SDHAF3: variants seen among roughly 807,000 people sequenced by gnomAD.
SDHAF3 encodes the protein succinate dehydrogenase complex assembly factor 3.
A neutral mutation model predicts 11.5 loss-of-function variants in SDHAF3; 18 were observed. That is an observed-to-expected ratio of 1.56 (90% CI 1.08 to 2.32). The LOEUF (loss-of-function observed/expected upper bound fraction) is 2.32, where lower values mean the gene tolerates loss of function less well. Among genes scored for constraint, SDHAF3 ranks in the 30% most tolerant of loss-of-function variants. The pLI is 0.00. For synonymous variants in SDHAF3, 72 were observed against 59.3 expected (o/e 1.21, Z -0.99); for missense variants, 200 against 154.4 (o/e 1.30, Z -1.57).
chr7:97,138,167 A>ATTT (rs11345197), intron 1 of SDHAF3, among the ~76,000 whole-genome samples: 58 of 134,372 alleles, frequency 4.3e-4, no homozygotes, highest in Non-Finnish European at 5.7e-4. Flanking sequence ...CCCCACTGGC[A>ATTT]TTTTTTTTTT....
intron 1 of SDHAF3, among the ~76,000 whole-genome samples, chr7:97,124,295 A>T (rs1443967899): frequency 1.3e-5 from 2 of 152,062 alleles, no homozygotes; most frequent in Non-Finnish European, 2.9e-5. Context: ...CAAAGATGAG[A>T]TGGTTGCAGA....
intron 1 of SDHAF3, 47 bp downstream of exon 1, chr7:97,117,944 G>A: frequency 1.9e-6 from 3 of 1,595,236 alleles, no homozygotes; most frequent in Non-Finnish European, 2.6e-6. Context: ...GGGGTTCCTC[G>A]GTGTCCAGGT....
At chr7:97,144,151 A>G (rs1165487936) in intron 1 of SDHAF3, among the ~76,000 whole-genome samples, 1 of 151,692 alleles carries the variant, frequency 6.6e-6, no homozygotes. Flanking sequence ...AGAATTGTCT[A>G]CTTACATTCT....
At chr7:97,152,563 A>G (rs1789241037) in intron 1 of SDHAF3, among the ~76,000 whole-genome samples, 1 of 152,164 alleles carries the variant, frequency 6.6e-6, no homozygotes, top group African/African-American at 2.4e-5. Context: ...TACAGTAGTA[A>G]TGTTATCCAT....
At chr7:97,131,335 G>A (rs1206155194) in intron 1 of SDHAF3, among the ~76,000 whole-genome samples, 1 of 152,094 alleles carries the variant, frequency 6.6e-6, no homozygotes, top group Non-Finnish European at 1.5e-5. Flanking sequence ...TTGTAAATCA[G>A]TGTCTAAATA....
intron 1 of SDHAF3, among the ~76,000 whole-genome samples, chr7:97,160,761 G>C (rs1789395937): frequency 6.6e-6 from 1 of 152,262 alleles, no homozygotes; most frequent in Admixed American, 6.5e-5. Flanking sequence ...CTGGAACATA[G>C]AGGTGTATTG....
Position 97,117,808 on chromosome 7 carries a change from T to C in SDHAF3, c.85T>C (p.Ser29Pro), listed in dbSNP as rs761188579. The C allele has an allele frequency of 3.8e-5, 61 of 1,614,030 alleles. No individual in the cohort carries two copies. The Middle Eastern group carries it at 1.3e-3, about 35-fold the overall frequency. ...CCGTGTTCTGCCCCCGGACCTCAAA[T>C]CCCTGGGCGACCAGTACGTGAAAGA... Reference protein sequence around the residue: ...LHRVLPPDLKSLGDQYVKDEF... With the variant: ...LHRVLPPDLKPLGDQYVKDEF... The change falls in exon 1 of 2, where the codon TCC becomes CCC. Residue 29 changes from serine (S) to proline (P), a missense_variant. Ser to Pro is a moderately conservative substitution (Grantham distance 74, BLOSUM62 -1). Coordinates refer to ENST00000432641, the MANE Select transcript of SDHAF3 (RefSeq NM_020186.3).
chr7:97,174,831 T>C (rs978925227), intron 1 of SDHAF3, among the ~76,000 whole-genome samples: 1 of 152,212 alleles, frequency 6.6e-6, no homozygotes, highest in African/African-American at 2.4e-5. Flanking sequence ...ATCTTTCAGC[T>C]TTCTTCACTG....
intron 1 of SDHAF3, among the ~76,000 whole-genome samples, chr7:97,138,512 A>G (rs1788968185): frequency 6.6e-6 from 1 of 152,172 alleles, no homozygotes; most frequent in South Asian, 2.1e-4. Flanking sequence ...TTTAAAAAAT[A>G]TGTATACCCA....
At chr7:97,146,118 C>T (rs988878487) in intron 1 of SDHAF3, among the ~76,000 whole-genome samples, 1 of 151,968 alleles carries the variant, frequency 6.6e-6, no homozygotes, top group African/African-American at 2.4e-5. Flanking sequence ...GGCTTTCCCC[C>T]CCCCACTTTT....
intron 1 of SDHAF3, among the ~76,000 whole-genome samples, chr7:97,125,865 T>C (rs1562819548): frequency 6.6e-6 from 1 of 152,214 alleles, no homozygotes; most frequent in African/African-American, 2.4e-5. Context: ...CCATCCAGTT[T>C]TGTGTCCTTG....
chr7:97,150,031 A>C (rs1435996420), intron 1 of SDHAF3, among the ~76,000 whole-genome samples: 1 of 152,208 alleles, frequency 6.6e-6, no homozygotes, highest in Non-Finnish European at 1.5e-5. Flanking sequence ...TGAAGAAATC[A>C]CTTTCTTTGC....
rs771381405 is a variant in SDHAF3 at position 97,181,090 on chromosome 7, C to T, written c.253C>T (p.Leu85Phe). The T allele has an allele frequency of 1.2e-6, 2 of 1,614,004 alleles. No homozygotes were observed. Among genetic ancestry groups the T allele is most frequent in the South Asian group, 1.1e-5 (1 of 91,066 alleles). Residue 85 changes from leucine to phenylalanine, a missense_variant, in exon 2 of 2, where the codon CTC becomes TTC. By Grantham distance (22) the Leu-to-Phe change is conservative. Transcript: ENST00000432641. ...STGKACFGTF[L>F]PEEKLNDFRD... is the part of the protein sequence containing the mutation. ...TGGAAAAGCATGTTTTGGCACCTTC[C>T]TCCCAGAAGAAAAACTTAATGACTT...
At chr7:97,175,457 C>A (rs371387850) in intron 1 of SDHAF3, among the ~76,000 whole-genome samples, 3 of 152,192 alleles carry the variant, frequency 2.0e-5, no homozygotes, top group Admixed American at 1.3e-4. Flanking sequence ...TCTTTGTGTT[C>A]GTGAGTTCTC....
intron 1 of SDHAF3, among the ~76,000 whole-genome samples, chr7:97,133,210 T>A (rs181516570): frequency 5.5e-4 from 84 of 152,184 alleles, no homozygotes; most frequent in African/African-American, 1.7e-3. Flanking sequence ...GCAGAAAAAA[T>A]TTGAATATTC....
intron 1 of SDHAF3, among the ~76,000 whole-genome samples, chr7:97,125,693 A>G (rs887039375): frequency 1.3e-5 from 2 of 152,072 alleles, no homozygotes; most frequent in African/African-American, 2.4e-5. Context: ...CAGGTCATTT[A>G]TGTTCTTCTC....
intron 1 of SDHAF3, among the ~76,000 whole-genome samples, chr7:97,119,227 T>C (rs1584204560): frequency 6.6e-6 from 1 of 152,178 alleles, no homozygotes; most frequent in Non-Finnish European, 1.5e-5. Flanking sequence ...TTATGGTAGG[T>C]CATTTTGTGG....
Position 97,169,152 on chromosome 7 carries a change from C to T in SDHAF3, c.175-11860C>T, listed in dbSNP as rs551151442. On this transcript the variant is annotated intron_variant, in intron 1 of 1. Coordinates refer to ENST00000432641, the MANE Select transcript of SDHAF3 (RefSeq NM_020186.3). ...ACCAGCCTGGCCAGCGTGTTGAAAC[C>T]CTGCCTCTACTAAAAATACAAAAGT... Among the ~76,000 whole-genome samples the T allele has an allele frequency of 2.6e-5, 4 of 152,076 alleles. No individual in the cohort carries two copies. In the East Asian group the frequency reaches 5.8e-4, roughly 22 times the overall value.
At position 97,118,626 on chromosome 7, in the gene SDHAF3, C is replaced by T. The variant is rs547822859; in HGVS notation, c.174+729C>T. Among the ~76,000 whole-genome samples the T allele has an allele frequency of 6.1e-4, 92 of 151,832 alleles. 1 individual carries two copies. Among genetic ancestry groups the T allele is most frequent in the African/African-American group, 2.1e-3 (89 of 41,404 alleles). ...GGGGCTCGGGGCCCTGCAGGATTGC[C>T]CCTAGTTTTCATTTGCAAATATAAA... On this transcript the variant is annotated intron_variant, in intron 1 of 1. Coordinates refer to ENST00000432641, the MANE Select transcript of SDHAF3 (RefSeq NM_020186.3).
Sources: gnomAD v4.1 joint callset for allele counts (sites outside exome capture counted in the v4.1 genomes callset) on GRCh38, gnomAD v4.1.1 for gene constraint, MANE v1.5 for transcripts, NCBI Gene and HGNC (gene_info 2026-07-23, HGNC 2026-07-21) for gene names.